MACROD2: variants seen among roughly 807,000 people sequenced by gnomAD.
The protein encoded by MACROD2 is mono-ADP ribosylhydrolase 2.
MACROD2 carries 36 observed loss-of-function variants against 70.4 expected under a neutral mutation model. That is an observed-to-expected ratio of 0.51 (90% CI 0.39 to 0.68). The LOEUF (loss-of-function observed/expected upper bound fraction) is 0.68, where lower values mean the gene tolerates loss of function less well. MACROD2 is among the 30% of genes least tolerant of loss of function. The pLI is 0.00. For missense variants in MACROD2, 496 were observed against 538.4 expected (o/e 0.92, Z 0.78); for synonymous variants, 172 against 178.8 (o/e 0.96, Z 0.30).
intron 2 of MACROD2, among the ~76,000 whole-genome samples, chr20:14,032,128 A>C (rs2053252876): frequency 6.6e-6 from 1 of 152,048 alleles, no homozygotes; most frequent in Non-Finnish European, 1.5e-5. Context: ...TTTCTCACTT[A>C]AAACTATTTT....
At chr20:14,756,584 G>A (rs1415500419) in intron 5 of MACROD2, among the ~76,000 whole-genome samples, 2 of 152,066 alleles carry the variant, frequency 1.3e-5, no homozygotes, top group African/African-American at 2.4e-5. Flanking sequence ...AGCTTGTCAA[G>A]CCCCTTCATG....
chr20:14,344,280 C>T (rs2083043165), intron 3 of MACROD2, among the ~76,000 whole-genome samples: 1 of 152,078 alleles, frequency 6.6e-6, no homozygotes, highest in South Asian at 2.1e-4. Context: ...TGATTATTTG[C>T]CAGATTTTCG....
intron 5 of MACROD2, among the ~76,000 whole-genome samples, chr20:14,991,645 A>C (rs185826794): frequency 1.3e-5 from 2 of 152,280 alleles, no homozygotes; most frequent in South Asian, 2.1e-4. Context: ...TGCCTACTTC[A>C]AAAAGTGATT....
intron 5 of MACROD2, among the ~76,000 whole-genome samples, chr20:14,962,876 G>C (rs1035138766): frequency 6.6e-6 from 1 of 151,278 alleles, no homozygotes; most frequent in Non-Finnish European, 1.5e-5. Flanking sequence ...GTTGTTTGGG[G>C]AAAAAAAACT....
chr20:14,820,166 G>T (rs1240613700), intron 5 of MACROD2, among the ~76,000 whole-genome samples: 1 of 152,012 alleles, frequency 6.6e-6, no homozygotes, highest in Non-Finnish European at 1.5e-5. Context: ...CTTTTGATTT[G>T]AAGGAAAGGG....
At chr20:15,098,989 G>T (rs558744152) in intron 5 of MACROD2, among the ~76,000 whole-genome samples, 11 of 152,320 alleles carry the variant, frequency 7.2e-5, no homozygotes, top group African/African-American at 2.6e-4. Context: ...GTAAGCCTAT[G>T]AATTAGTTAA....
chr20:14,151,975 C>G (rs777918983), intron 3 of MACROD2, among the ~76,000 whole-genome samples: 6 of 151,800 alleles, frequency 4.0e-5, no homozygotes, highest in Admixed American at 1.3e-4. Flanking sequence ...GCGCCTGCCA[C>G]CACGCCCGGC....
intron 3 of MACROD2, chr20:14,337,542 T>C: frequency 2.5e-6 from 1 of 398,638 alleles, no homozygotes. Context: ...AGCTGCAGGC[T>C]GAGCTTGTCC....
intron 5 of MACROD2, among the ~76,000 whole-genome samples, chr20:14,707,740 T>C (rs910859408): frequency 6.6e-6 from 1 of 152,208 alleles, no homozygotes; most frequent in Non-Finnish European, 1.5e-5. Flanking sequence ...CACAACTATT[T>C]GTTCAAACAA....
chr20:14,681,292 C>T (rs1000290051), intron 4 of MACROD2, among the ~76,000 whole-genome samples: 1 of 152,094 alleles, frequency 6.6e-6, no homozygotes, highest in African/African-American at 2.4e-5. Flanking sequence ...AAACGTATAG[C>T]TACAAGATGG....
chr20:14,195,102 T>C (rs1301765181), intron 3 of MACROD2, among the ~76,000 whole-genome samples: 1 of 152,150 alleles, frequency 6.6e-6, no homozygotes, highest in Non-Finnish European at 1.5e-5. Flanking sequence ...TTTAGCCTTT[T>C]TAAAAGAAGA....
intron 6 of MACROD2, among the ~76,000 whole-genome samples, chr20:15,267,640 TC>T (rs935527948): frequency 6.6e-6 from 1 of 152,112 alleles, no homozygotes; most frequent in Non-Finnish European, 1.5e-5. Context: ...TCTCCTCATC[TC>T]CCCTCAACAG....
intron 15 of MACROD2, 114 bp downstream of exon 15, chr20:15,987,272 C>T (rs1204087683): frequency 1.6e-5 from 13 of 813,622 alleles, no homozygotes; most frequent in Admixed American, 3.3e-5. Context: ...AGGGGGAAAA[C>T]GAACATTTCC....
chr20:15,099,214 A>G (rs2075854567), intron 5 of MACROD2, among the ~76,000 whole-genome samples: 1 of 152,176 alleles, frequency 6.6e-6, no homozygotes, highest in African/African-American at 2.4e-5. Flanking sequence ...TGGAATGAAT[A>G]TTCGTGTGTC....
chr20:14,026,530 G>T (rs756081225), intron 2 of MACROD2, among the ~76,000 whole-genome samples: 1 of 152,196 alleles, frequency 6.6e-6, no homozygotes, highest in African/African-American at 2.4e-5. Flanking sequence ...TTCTTGTAAG[G>T]CAGGCCTGAT....
At chr20:15,445,619 T>G (rs1161900547) in intron 7 of MACROD2, among the ~76,000 whole-genome samples, 1 of 152,146 alleles carries the variant, frequency 6.6e-6, no homozygotes, top group Admixed American at 6.6e-5. Context: ...AGATAACAGT[T>G]GCCACTTAGC....
intron 8 of MACROD2, among the ~76,000 whole-genome samples, chr20:15,757,553 C>A (rs1019240911): frequency 6.6e-6 from 1 of 152,074 alleles, no homozygotes; most frequent in African/African-American, 2.4e-5. Context: ...TGAATTCTAC[C>A]ATCTACTGTA....
intron 8 of MACROD2, among the ~76,000 whole-genome samples, chr20:15,756,306 A>G (rs1031223881): frequency 6.6e-6 from 1 of 152,152 alleles, no homozygotes; most frequent in African/African-American, 2.4e-5. Flanking sequence ...GATTTGTAAC[A>G]CTTTAAAAAA....
chr20:14,828,538 A>G (rs1293836105), intron 5 of MACROD2, among the ~76,000 whole-genome samples: 4 of 152,106 alleles, frequency 2.6e-5, no homozygotes, highest in Non-Finnish European at 4.4e-5. Context: ...GTGGTAGGAG[A>G]CAGATAATCC....
Sources: gnomAD v4.1 joint callset for allele counts (sites outside exome capture counted in the v4.1 genomes callset) on GRCh38, gnomAD v4.1.1 for gene constraint, MANE v1.5 for transcripts, NCBI Gene and HGNC (gene_info 2026-07-23, HGNC 2026-07-21) for gene names.